CEP57L1: variants seen among roughly 807,000 people sequenced by gnomAD.
CEP57L1 encodes the protein centrosomal protein 57 like 1.
CEP57L1 carries 37 observed loss-of-function variants against 61.0 expected under a neutral mutation model. That is an observed-to-expected ratio of 0.61 (90% CI 0.47 to 0.80). CEP57L1 has a LOEUF of 0.80. Among genes scored for constraint, CEP57L1 ranks in the 30% least tolerant of loss-of-function variants. The probability of loss-of-function intolerance (pLI) is 0.00; values close to 1 mark genes in which losing one functional copy is unlikely to be tolerated. For synonymous variants in CEP57L1, 137 were observed against 162.3 expected (o/e 0.84, Z 1.19); for missense variants, 422 against 524.7 (o/e 0.80, Z 1.91).
chr6:109,135,223 C>G (rs959610468), intron 1 of CEP57L1, among the ~76,000 whole-genome samples: 1 of 152,044 alleles, frequency 6.6e-6, no homozygotes, highest in Non-Finnish European at 1.5e-5. Flanking sequence ...GAGATATAGA[C>G]CAATGGAACA....
intron 1 of CEP57L1, among the ~76,000 whole-genome samples, chr6:109,135,220 A>G (rs534619298): frequency 7.9e-5 from 12 of 152,330 alleles, no homozygotes; most frequent in African/African-American, 2.9e-4. Context: ...ACAGAGATAT[A>G]GACCAATGGA....
At chr6:109,136,918 A>C (rs1211048203) in intron 1 of CEP57L1, among the ~76,000 whole-genome samples, 2 of 151,698 alleles carry the variant, frequency 1.3e-5, no homozygotes, top group Non-Finnish European at 2.9e-5. Context: ...ACTGCGCCCT[A>C]CAATGTATTT....
chr6:109,154,730 A>C lies in CEP57L1; in HGVS notation c.580-500A>C, dbSNP rs574834866. Among the ~76,000 whole-genome samples the C allele has an allele frequency of 9.9e-4, 151 of 152,262 alleles. 1 individual carries two copies. The highest frequency in any genetic ancestry group is 3.6e-3 in the African/African-American group (148 of 41,594). ...ATCTAAAATATCTCTGGTTCCAAAC[A>C]CTTAAGATAAGGGATCCTCAATCTG... is the stretch of plus-strand genomic sequence containing the variant. On this transcript the variant is annotated intron_variant, in intron 5 of 10. Coordinates refer to ENST00000517392, the MANE Select transcript of CEP57L1 (RefSeq NM_001271852.3).
At chr6:109,160,416 C>G (rs926333388) in intron 9 of CEP57L1, among the ~76,000 whole-genome samples, 156 bp from the exon 10 acceptor site, 16 of 152,162 alleles carry the variant, frequency 1.1e-4, no homozygotes, top group African/African-American at 3.6e-4. Context: ...TTATATTTAC[C>G]ATAGACTTAA....
chr6:109,164,747 ATTAC>A lies in CEP57L1; in HGVS notation c.*1780_*1783del, dbSNP rs1405253640. Reference sequence around the variant, plus strand: ...GAATATATTTAGTTATTAATAATTCATTACTTGTGAAAAGGTATTGCTTTAAAAA... The same window carrying A: ...GAATATATTTAGTTATTAATAATTCATTGTGAAAAGGTATTGCTTTAAAAA... On this transcript the variant is annotated 3_prime_UTR_variant, in exon 11 of 11. Transcript: ENST00000517392. Among the ~76,000 whole-genome samples the A allele has an allele frequency of 6.6e-6, 1 of 152,166 alleles. No individual in the cohort carries two copies. Among genetic ancestry groups the A allele is most frequent in the Non-Finnish European group, 1.5e-5 (1 of 68,028 alleles).
intron 1 of CEP57L1, among the ~76,000 whole-genome samples, chr6:109,110,908 A>T (rs551871411): frequency 5.6e-4 from 85 of 152,344 alleles, no homozygotes; most frequent in African/African-American, 1.9e-3. Flanking sequence ...TACCAGTACC[A>T]TGCTGTTTTT....
chr6:109,158,105 C>T (rs1773388814), intron 7 of CEP57L1: 1 of 152,258 alleles, frequency 6.6e-6, no homozygotes, highest in Non-Finnish European at 1.5e-5. Flanking sequence ...GAGGTCCGTC[C>T]AAGTTGTCGT....
chr6:109,105,234 CTTGTT>C (rs778344522), intron 1 of CEP57L1, among the ~76,000 whole-genome samples: 3 of 151,572 alleles, frequency 2.0e-5, no homozygotes, highest in African/African-American at 7.3e-5. Context: ...TGTAAATTGT[CTTGTT>C]TTAAGAAATC....
chr6:109,132,614 G>T (rs143026391), intron 1 of CEP57L1, among the ~76,000 whole-genome samples: 3 of 152,052 alleles, frequency 2.0e-5, no homozygotes, highest in Non-Finnish European at 4.4e-5. Context: ...AGACTTATTC[G>T]CTAGATTGTA....
chr6:109,108,259 A>G (rs1166224793), intron 1 of CEP57L1, among the ~76,000 whole-genome samples: 1 of 143,916 alleles, frequency 6.9e-6, no homozygotes, highest in Non-Finnish European at 1.5e-5. Context: ...TTTTTTTTTG[A>G]GATAGAGTTT....
intron 1 of CEP57L1, among the ~76,000 whole-genome samples, chr6:109,140,247 T>C (rs750022815): frequency 9.2e-5 from 14 of 151,686 alleles, no homozygotes; most frequent in Non-Finnish European, 7.4e-5. Context: ...CACTTGCCAC[T>C]TGTCATTTTT....
chr6:109,141,082 G>A (rs534583666), intron 1 of CEP57L1, among the ~76,000 whole-genome samples: 2 of 147,172 alleles, frequency 1.4e-5, no homozygotes, highest in East Asian at 2.1e-4. Context: ...CGCCCGCCTC[G>A]GCCTCCCAAA....
chr6:109,168,588 G>T lies in CEP57L1; in HGVS notation c.*5618G>T, dbSNP rs1774243389. The stretch of plus-strand genomic sequence containing the variant: ...AAATCAATTTAGCGGGTCACTACCA[G>T]CATTTTTTTTTTTTTTTTTTTTTTG... On this transcript the variant is annotated 3_prime_UTR_variant, in exon 11 of 11. Coordinates refer to ENST00000517392, the MANE Select transcript of CEP57L1 (RefSeq NM_001271852.3). 7.1e-6 allele frequency among the ~76,000 whole-genome samples: 1 copy of T among 141,102 alleles called. No individual in the cohort carries two copies. 92.6% of individuals were successfully genotyped at this position (141,102 alleles called of 152,430 possible). A position where few individuals can be genotyped will look rare whatever the true frequency, so the allele number is the denominator to read the frequency against.
At chr6:109,109,764 C>T (rs559856219) in intron 1 of CEP57L1, among the ~76,000 whole-genome samples, 1 of 152,286 alleles carries the variant, frequency 6.6e-6, no homozygotes, top group African/African-American at 2.4e-5. Flanking sequence ...CGTTCAACTC[C>T]CACTTATGAG....
Position 109,148,299 on chromosome 6 carries a change from C to T in CEP57L1, c.340+1362C>T, listed in dbSNP as rs940681443. Among the ~76,000 whole-genome samples, 18 of 151,348 alleles carry T rather than the reference C, an allele frequency of 1.2e-4. 1 individual carries two copies. In the East Asian group the frequency reaches 2.3e-3, roughly 20 times the overall value. On this transcript the variant is annotated intron_variant, in intron 3 of 10. Coordinates refer to ENST00000517392, the MANE Select transcript of CEP57L1 (RefSeq NM_001271852.3). ...CCACCCCACAACAGTCCCCAGAGTG[C>T]GATGTTCCCCTTCCTGTGTCCATGT...
intron 1 of CEP57L1, among the ~76,000 whole-genome samples, chr6:109,114,025 A>C (rs1463228947): frequency 6.6e-6 from 1 of 152,016 alleles, no homozygotes; most frequent in Non-Finnish European, 1.5e-5. Flanking sequence ...ATGGGAGTGC[A>C]GACACCCCTT....
At chr6:109,137,712 C>T (rs903588520) in intron 1 of CEP57L1, among the ~76,000 whole-genome samples, 1 of 152,204 alleles carries the variant, frequency 6.6e-6, no homozygotes, top group African/African-American at 2.4e-5. Flanking sequence ...AATACCTTCT[C>T]TGTGCCAGGT....
rs1190536124 is a variant in CEP57L1 at position 109,171,341 on chromosome 6, C to T, written c.*8371C>T. On this transcript the variant is annotated 3_prime_UTR_variant, in exon 11 of 11. Coordinates refer to ENST00000517392, the MANE Select transcript of CEP57L1 (RefSeq NM_001271852.3). ...GCAACCTCCGCCTCCCAGGTTCAAG[C>T]GATTCTTCTGCCTCAGCCTCCCAAG... 2.0e-5 allele frequency among the ~76,000 whole-genome samples: 3 copies of T among 151,550 alleles called. No homozygotes were observed. The highest frequency in any genetic ancestry group is 2.9e-5 in the Non-Finnish European group (2 of 67,950).
intron 1 of CEP57L1, among the ~76,000 whole-genome samples, chr6:109,104,693 C>A (rs1369333521): frequency 6.6e-6 from 1 of 152,146 alleles, no homozygotes; most frequent in African/African-American, 2.4e-5. Context: ...AACGATCCTC[C>A]CACCTCTGCC....
Sources: allele counts gnomAD v4.1 joint callset (sites outside exome capture counted in the v4.1 genomes callset), GRCh38; gene constraint gnomAD v4.1.1; transcripts MANE v1.5; gene names NCBI Gene and HGNC (gene_info 2026-07-23, HGNC 2026-07-21).